The following SEMA3A variants were observed in gnomAD, a reference collection of about 807,000 sequenced individuals.
The protein encoded by SEMA3A is semaphorin-3A.
In SEMA3A, 29 loss-of-function variants were observed where a neutral mutation model predicts 97.9. That is an observed-to-expected ratio of 0.30 (90% CI 0.22 to 0.40). The LOEUF is 0.40. SEMA3A is among the 10% of genes least tolerant of loss of function. The probability of loss-of-function intolerance (pLI) is 1.00; values close to 1 mark genes in which losing one functional copy is unlikely to be tolerated. For missense variants in SEMA3A, 763 were observed against 951.3 expected (o/e 0.80, Z 2.60); for synonymous variants, 321 against 323.7 (o/e 0.99, Z 0.09).
intron 3 of SEMA3A, among the ~76,000 whole-genome samples, chr7:84,111,054 A>C (rs1275293452): frequency 6.6e-6 from 1 of 152,212 alleles, no homozygotes; most frequent in Admixed American, 6.5e-5. Context: ...ACCCTCTAAT[A>C]AACATAAAGT....
chr7:84,461,827 C>T (rs979936666), intron 1 of SEMA3A, among the ~76,000 whole-genome samples: 1 of 152,068 alleles, frequency 6.6e-6, no homozygotes, highest in African/African-American at 2.4e-5. Context: ...TTATTCTATT[C>T]TTCTCTGAAT....
At chr7:84,010,419 G>C (rs1273523168) in intron 9 of SEMA3A, among the ~76,000 whole-genome samples, 1 of 152,150 alleles carries the variant, frequency 6.6e-6, no homozygotes, top group African/African-American at 2.4e-5. Flanking sequence ...ATGCAGAAAA[G>C]TGTAGCAAAT....
chr7:84,007,708 T>C lies in SEMA3A; in HGVS notation c.996-211A>G, dbSNP rs1790724017. 2.6e-5 allele frequency among the ~76,000 whole-genome samples: 4 copies of C among 152,122 alleles called. No homozygotes were observed. In the South Asian group the frequency reaches 8.3e-4, roughly 31 times the overall value. On this transcript the variant is annotated intron_variant, in intron 9 of 16. Transcript: ENST00000265362. Reference sequence around the variant, plus strand: ...TGTGATTTCTTAAAAATAGAAGGCATAGGTGAAAATGGCTTCAGTACTCAT... The same window carrying C: ...TGTGATTTCTTAAAAATAGAAGGCACAGGTGAAAATGGCTTCAGTACTCAT...
At chr7:84,138,265 A>T (rs1427131479) in intron 1 of SEMA3A, among the ~76,000 whole-genome samples, 2 of 152,060 alleles carry the variant, frequency 1.3e-5, no homozygotes, top group African/African-American at 4.8e-5. Context: ...CTAACTTGTA[A>T]ACATCAGTAA....
At chr7:84,148,929 T>C (rs2116105563) in intron 1 of SEMA3A, among the ~76,000 whole-genome samples, 1 of 152,312 alleles carries the variant, frequency 6.6e-6, no homozygotes, top group African/African-American at 2.4e-5. Context: ...AAAATATGTG[T>C]TAATTGACTG....
chr7:84,355,830 G>T (rs1802546955), intron 2 of SEMA3A, among the ~76,000 whole-genome samples: 2 of 151,830 alleles, frequency 1.3e-5, no homozygotes, highest in African/African-American at 4.8e-5. Flanking sequence ...GAGAAGAAAA[G>T]ATCTATTTGT....
intron 1 of SEMA3A, among the ~76,000 whole-genome samples, chr7:84,449,681 T>C (rs1805510345): frequency 6.6e-6 from 1 of 152,140 alleles, no homozygotes; most frequent in Non-Finnish European, 1.5e-5. Context: ...AGTATATTAA[T>C]AAATATACTC....
At chr7:84,212,350 C>A (rs936203150) in intron 3 of SEMA3A, among the ~76,000 whole-genome samples, 5 of 152,152 alleles carry the variant, frequency 3.3e-5, no homozygotes, top group African/African-American at 9.7e-5. Flanking sequence ...TTTATCATCA[C>A]CATATTGGGG....
chr7:84,072,527 A>T (rs1259337216), intron 4 of SEMA3A, among the ~76,000 whole-genome samples: 5 of 152,126 alleles, frequency 3.3e-5, no homozygotes, highest in Admixed American at 3.3e-4. Flanking sequence ...AGAAATATAT[A>T]ATTTATTTTT....
chr7:83,992,483 G>A (rs1031927462), intron 12 of SEMA3A, among the ~76,000 whole-genome samples: 5 of 151,638 alleles, frequency 3.3e-5, no homozygotes, highest in East Asian at 3.9e-4. Context: ...TCTACACACT[G>A]CTTTGAATGC....
chr7:83,972,529 A>T (rs1788960692), intron 15 of SEMA3A, among the ~76,000 whole-genome samples: 1 of 152,056 alleles, frequency 6.6e-6, no homozygotes, highest in African/African-American at 2.4e-5. Context: ...AAAATCAGGA[A>T]ACATGGACTT....
At chr7:84,120,100 C>CAA (rs35704820) in intron 3 of SEMA3A, among the ~76,000 whole-genome samples, 1 of 144,688 alleles carries the variant, frequency 6.9e-6, no homozygotes, top group Non-Finnish European at 1.5e-5. Context: ...CTTACTTTAC[C>CAA]AAAAAAAAAA....
intron 5 of SEMA3A, among the ~76,000 whole-genome samples, chr7:84,059,198 C>T (rs764108226): frequency 6.6e-6 from 1 of 152,158 alleles, no homozygotes; most frequent in Admixed American, 6.5e-5. Context: ...ACTAGACCAA[C>T]CATAAATAGG....
intron 1 of SEMA3A, among the ~76,000 whole-genome samples, chr7:84,441,877 A>G (rs1349449123): frequency 6.6e-6 from 1 of 152,212 alleles, no homozygotes; most frequent in Non-Finnish European, 1.5e-5. Context: ...GCAATGGGCT[A>G]AATTCAAAAT....
intron 2 of SEMA3A, among the ~76,000 whole-genome samples, chr7:84,328,794 A>G (rs1436291522): frequency 2.0e-5 from 3 of 152,070 alleles, no homozygotes; most frequent in Non-Finnish European, 4.4e-5. Context: ...GCAGAAAAGG[A>G]GTTCAAATTC....
chr7:84,089,700 A>G (rs1794503014), intron 4 of SEMA3A, among the ~76,000 whole-genome samples: 1 of 152,052 alleles, frequency 6.6e-6, no homozygotes, highest in African/African-American at 2.4e-5. Flanking sequence ...GCTTTTTATA[A>G]TTATACAATT....
chr7:84,011,176 T>C lies in SEMA3A; in HGVS notation c.925+7A>G. 6.2e-7 allele frequency: 1 copy of C among 1,609,742 alleles called. No individual in the cohort carries two copies. The highest frequency in any genetic ancestry group is 1.1e-5 in the South Asian group (1 of 90,978). ...ATATTCTCTATACATAAACACTAGC[T>C]TCTTACGCAGTTCATCAAAATGAGT... On this transcript the variant is annotated splice_region_variant and intron_variant, in intron 8 of 16. Transcript: ENST00000265362.
rs528818531 is a variant in SEMA3A, at chr7:84,478,864, A to C, written c.-246+13596T>G. Among the ~76,000 whole-genome samples the C allele has an allele frequency of 3.9e-5, 6 of 152,148 alleles. No individual in the cohort carries two copies. The East Asian group carries it at 1.2e-3, about 29-fold the overall frequency. ...TTTAGCAATAGCTATAGAAAATATT[A>C]TTTATTTTTTATAAATTTTCTAAGT... is the stretch of plus-strand genomic sequence containing the variant. On this transcript the variant is annotated intron_variant, in intron 1 of 3. Coordinates refer to the SEMA3A transcript ENST00000424555.
At chr7:84,072,165 AT>A (rs1334207330) in intron 4 of SEMA3A, among the ~76,000 whole-genome samples, 6 of 152,130 alleles carry the variant, frequency 3.9e-5, no homozygotes, top group Admixed American at 6.6e-5. Flanking sequence ...AGATTAAAAA[AT>A]AAAACCTATA....
Sources: allele counts gnomAD v4.1 joint callset (sites outside exome capture counted in the v4.1 genomes callset), GRCh38; gene constraint gnomAD v4.1.1; transcripts MANE v1.5; gene names NCBI Gene and HGNC (gene_info 2026-07-23, HGNC 2026-07-21).